FAM171A1: variants seen among roughly 807,000 people sequenced by gnomAD.
FAM171A1 encodes family with sequence similarity 171 member A1, also known as protein FAM171A1.
A neutral mutation model predicts 74.9 loss-of-function variants in FAM171A1; 23 were observed. The ratio of observed to expected loss-of-function variants is 0.31; its 90% CI spans 0.22 to 0.44. The LOEUF is 0.44. Among genes scored for constraint, FAM171A1 ranks in the 20% least tolerant of loss-of-function variants. The pLI is 1.00. For synonymous variants in FAM171A1, 527 were observed against 505.7 expected (o/e 1.04, Z -0.57); for missense variants, 1,162 against 1,159.2 (o/e 1.00, Z -0.03).
Position 15,371,045 on chromosome 10 carries a change from C to A in FAM171A1, c.8G>T (p.Arg3Met). The A allele has an allele frequency of 1.8e-6, 2 of 1,117,974 alleles. No individual in the cohort carries two copies. Among genetic ancestry groups the A allele is most frequent in the South Asian group, 4.0e-5 (2 of 50,496 alleles). The allele number at this position is 1,117,974 out of a possible 1,614,324, so 69.3% of individuals were successfully genotyped here. MS[R>M]SATLLLCLLG... ...CAGGCACAGCAGCAGCGTCGCGGAC[C>A]TGCTCATCTCCGCCGCGGGGCCGGC... The change falls in exon 1 of 8, where the codon AGG (arginine) becomes ATG (methionine). Residue 3 changes from arginine to methionine, a missense_variant. By Grantham distance (91) the Arg-to-Met change is moderately conservative (BLOSUM62 -1). Transcript: ENST00000378116.
At chr10:15,325,027 T>C (rs1167035834) in intron 1 of FAM171A1, among the ~76,000 whole-genome samples, 2 of 152,240 alleles carry the variant, frequency 1.3e-5, no homozygotes, top group Non-Finnish European at 1.5e-5. Context: ...CACGTGTGTC[T>C]AATGATAAAT....
chr10:15,334,966 G>C (rs1403399344), intron 1 of FAM171A1, among the ~76,000 whole-genome samples: 4 of 152,214 alleles, frequency 2.6e-5, no homozygotes, highest in Non-Finnish European at 5.9e-5. Context: ...TAAAGGCCCA[G>C]TGCAGTGGCT....
chr10:15,275,776 C>G (rs1588527789), intron 3 of FAM171A1, 79 bp downstream of exon 3: 2 of 921,250 alleles, frequency 2.2e-6, no homozygotes, highest in East Asian at 2.6e-5. Flanking sequence ...AACATCACAT[C>G]ACATTGTACA....
In FAM171A1 at chr10:15,262,711, A is replaced by C. The variant is rs556299752; in HGVS notation, c.419-7832T>G. ...GGGCTTAAGAAGAGTTTTGCTTTGAATGGCAAAGCCTTCAGTGATTTTGAG... is the reference window on the plus strand; with the variant it reads ...GGGCTTAAGAAGAGTTTTGCTTTGACTGGCAAAGCCTTCAGTGATTTTGAG... On this transcript the variant is annotated intron_variant, in intron 3 of 7. Transcript: ENST00000378116. Among the ~76,000 whole-genome samples the C allele has an allele frequency of 5.3e-5, 8 of 152,358 alleles. No homozygotes were observed. In the South Asian group the frequency reaches 1.7e-3, roughly 32 times the overall value.
intron 3 of FAM171A1, among the ~76,000 whole-genome samples, chr10:15,272,565 C>T (rs1263593016): frequency 7.2e-5 from 11 of 152,170 alleles, no homozygotes; most frequent in Non-Finnish European, 2.9e-5. Flanking sequence ...AGAGAACTCT[C>T]CACCCCAAAT....
intron 1 of FAM171A1, among the ~76,000 whole-genome samples, chr10:15,310,754 C>A (rs1235329460): frequency 6.6e-6 from 1 of 151,694 alleles, no homozygotes; most frequent in Non-Finnish European, 1.5e-5. Context: ...CCCAGCTACT[C>A]AGGGGTTGAG....
intron 3 of FAM171A1, among the ~76,000 whole-genome samples, chr10:15,257,777 G>T (rs2131773111): frequency 6.6e-6 from 1 of 152,284 alleles, no homozygotes; most frequent in South Asian, 2.1e-4. Flanking sequence ...CAGCACGTGA[G>T]GAATTTAAGG....
At chr10:15,216,762 G>A (rs555565500) in intron 6 of FAM171A1, among the ~76,000 whole-genome samples, 11 of 150,818 alleles carry the variant, frequency 7.3e-5, no homozygotes, top group African/African-American at 2.0e-4. Flanking sequence ...GAAAATGAAC[G>A]CATGACGATA....
intron 1 of FAM171A1, among the ~76,000 whole-genome samples, chr10:15,360,538 A>C (rs989506354): frequency 1.1e-4 from 17 of 152,164 alleles, no homozygotes; most frequent in African/African-American, 4.1e-4. Context: ...CAGTTTAGCT[A>C]TTCTAGGGCT....
At chr10:15,284,450 TCTCA>T (rs1835011532) in intron 1 of FAM171A1, among the ~76,000 whole-genome samples, 1 of 152,042 alleles carries the variant, frequency 6.6e-6, no homozygotes, top group African/African-American at 2.4e-5. Context: ...TTTGAAACAG[TCTCA>T]CTCTGTTGCA....
At chr10:15,240,418 A>G (rs1011609654) in intron 5 of FAM171A1, among the ~76,000 whole-genome samples, 1 of 152,210 alleles carries the variant, frequency 6.6e-6, no homozygotes, top group Admixed American at 6.5e-5. Context: ...TAGCCAACTC[A>G]TGCTGTTGTA....
chr10:15,261,514 C>A (rs562462048), intron 3 of FAM171A1, among the ~76,000 whole-genome samples: 3 of 152,050 alleles, frequency 2.0e-5, no homozygotes, highest in African/African-American at 7.3e-5. Flanking sequence ...AGAAAAGGGT[C>A]GAGAAGGCAG....
chr10:15,293,588 T>C (rs373797614), intron 1 of FAM171A1, among the ~76,000 whole-genome samples: 1 of 151,836 alleles, frequency 6.6e-6, no homozygotes, highest in East Asian at 1.9e-4. Context: ...ATGAGGTTAA[T>C]CTGATTTGGA....
At chr10:15,284,237 T>A (rs1377359540) in intron 1 of FAM171A1, 132 bp from the exon 2 acceptor site, 1 of 757,536 alleles carries the variant, frequency 1.3e-6, no homozygotes, top group Admixed American at 2.9e-5. Flanking sequence ...AAATATGCAG[T>A]TTTTACCAGA....
upstream of FAM171A1, among the ~76,000 whole-genome samples, chr10:15,372,653 C>T (rs560369677): frequency 1.6e-4 from 22 of 135,080 alleles, 1 homozygote; most frequent in African/African-American, 4.6e-4. Context: ...GAGCCAAGAT[C>T]GTGCCACTGC....
chr10:15,335,280 C>T (rs1489173883), intron 1 of FAM171A1, among the ~76,000 whole-genome samples: 3 of 152,020 alleles, frequency 2.0e-5, no homozygotes, highest in Admixed American at 2.0e-4. Context: ...AACAAACAAA[C>T]CCAAAAAAAT....
At chr10:15,263,741 G>GTCTGTCTGTCTA (rs1428115509) in intron 3 of FAM171A1, among the ~76,000 whole-genome samples, 13 of 140,654 alleles carry the variant, frequency 9.2e-5, no homozygotes, top group Admixed American at 2.9e-4. Context: ...CTATCTGTCT[G>GTCTGTCTGTCTA]TCTATCTATC....
intron 1 of FAM171A1, among the ~76,000 whole-genome samples, chr10:15,354,565 AAGACGCCTGGGGAGCC>A (rs2131883214): frequency 6.6e-6 from 1 of 152,252 alleles, no homozygotes; most frequent in South Asian, 2.1e-4. Context: ...AAGTCTCAGG[AAGACGCCTGGGGAGCC>A]AGGCCCGGGG....
chr10:15,334,326 G>T (rs1223790523), intron 1 of FAM171A1, among the ~76,000 whole-genome samples: 1 of 152,184 alleles, frequency 6.6e-6, no homozygotes, highest in Non-Finnish European at 1.5e-5. Flanking sequence ...CCATTTACTG[G>T]CTGGGAAATA....
Sources: allele counts gnomAD v4.1 joint callset (sites outside exome capture counted in the v4.1 genomes callset), GRCh38; gene constraint gnomAD v4.1.1; transcripts MANE v1.5; gene names NCBI Gene and HGNC (gene_info 2026-07-23, HGNC 2026-07-21).